The following GRID1 variants were observed in gnomAD, a reference collection of about 807,000 sequenced individuals.
The protein encoded by GRID1 is glutamate receptor ionotropic, delta-1.
In GRID1, 28 loss-of-function variants were observed where a neutral mutation model predicts 98.0. The ratio of observed to expected loss-of-function variants is 0.29; its 90% CI spans 0.21 to 0.39. The LOEUF is 0.39. Ranked by LOEUF, GRID1 falls within the 10% of genes least tolerant of loss-of-function variation. The pLI, the probability that GRID1 is intolerant of heterozygous loss-of-function variation, is 1.00. For synonymous variants in GRID1, 553 were observed against 538.5 expected, an observed-to-expected ratio of 1.03 and a Z score of -0.37; for missense variants, 1,111 against 1,340.5, an observed-to-expected ratio of 0.83 and a Z score of 2.67.
chr10:86,159,446 T>G (rs1248277929), intron 3 of GRID1, among the ~76,000 whole-genome samples: 2 of 152,220 alleles, frequency 1.3e-5, no homozygotes, highest in African/African-American at 2.4e-5. Flanking sequence ...TACAGCTGCC[T>G]ACAGTATTCA....
At chr10:85,867,749 GA>G (rs767499555) in intron 6 of GRID1, among the ~76,000 whole-genome samples, 10 of 152,330 alleles carry the variant, frequency 6.6e-5, no homozygotes, top group Non-Finnish European at 1.2e-4. Flanking sequence ...CACCGCCTTA[GA>G]AAGACCCCAG....
intron 6 of GRID1, among the ~76,000 whole-genome samples, chr10:85,865,942 T>TATACAC (rs1199144734): frequency 2.1e-5 from 2 of 94,878 alleles, no homozygotes; most frequent in East Asian, 3.3e-4. Flanking sequence ...TATATATATA[T>TATACAC]ACACATATAT....
At chr10:86,050,043 C>T (rs1486417485) in intron 4 of GRID1, among the ~76,000 whole-genome samples, 2 of 152,176 alleles carry the variant, frequency 1.3e-5, no homozygotes, top group African/African-American at 4.8e-5. Flanking sequence ...ATGATGGCAT[C>T]CATGCACACA....
intron 5 of GRID1, among the ~76,000 whole-genome samples, chr10:85,895,016 A>AAAAAAAATATATAT (rs766551035): frequency 8.2e-5 from 8 of 97,106 alleles, no homozygotes; most frequent in Non-Finnish European, 1.7e-4. Context: ...AAAAAAAAAA[A>AAAAAAAATATATAT]ATATATATAT....
intron 12 of GRID1, among the ~76,000 whole-genome samples, chr10:85,714,157 G>A (rs1841612227): frequency 1.3e-5 from 2 of 150,440 alleles, no homozygotes; most frequent in Non-Finnish European, 3.0e-5. Context: ...CAGAGGAACA[G>A]AAAACTAAAT....
intron 8 of GRID1, among the ~76,000 whole-genome samples, chr10:85,811,283 A>G (rs1463760853): frequency 1.3e-5 from 2 of 152,214 alleles, no homozygotes; most frequent in Non-Finnish European, 2.9e-5. Flanking sequence ...AGAGGCTACT[A>G]TTCCCTCAGG....
intron 12 of GRID1, among the ~76,000 whole-genome samples, chr10:85,683,970 T>C (rs1841239567): frequency 1.3e-5 from 2 of 152,158 alleles, no homozygotes; most frequent in East Asian, 3.9e-4. Flanking sequence ...TGTGACTAGA[T>C]GCAAATTAAT....
At chr10:86,237,225 T>C (rs965235471) in intron 2 of GRID1, among the ~76,000 whole-genome samples, 3 of 152,172 alleles carry the variant, frequency 2.0e-5, no homozygotes, top group Non-Finnish European at 2.9e-5. Flanking sequence ...TGTGAACTTA[T>C]TTGGATACAG....
At chr10:86,093,431 A>G (rs1844176038) in intron 4 of GRID1, among the ~76,000 whole-genome samples, 1 of 152,108 alleles carries the variant, frequency 6.6e-6, no homozygotes, top group Admixed American at 6.5e-5. Context: ...GGTTCTTTGA[A>G]AAGATAAATA....
At chr10:85,781,902 A>T (rs1842384969) in intron 8 of GRID1, among the ~76,000 whole-genome samples, 1 of 152,052 alleles carries the variant, frequency 6.6e-6, no homozygotes, top group South Asian at 2.1e-4. Context: ...AGAATCCATC[A>T]TCTTAATCAC....
intron 4 of GRID1, among the ~76,000 whole-genome samples, chr10:86,068,117 T>C (rs1843746248): frequency 6.6e-6 from 1 of 152,156 alleles, no homozygotes; most frequent in Non-Finnish European, 1.5e-5. Context: ...TTGTGGAGTA[T>C]GGGAAAACGT....
intron 8 of GRID1, among the ~76,000 whole-genome samples, chr10:85,775,672 AC>A (rs1420278989): frequency 2.0e-5 from 3 of 151,914 alleles, no homozygotes; most frequent in Non-Finnish European, 2.9e-5. Context: ...CTGCACCTAT[AC>A]CCCCCGAATC....
At chr10:86,319,797 G>A (rs1246184591) in intron 2 of GRID1, among the ~76,000 whole-genome samples, 1 of 152,204 alleles carries the variant, frequency 6.6e-6, no homozygotes, top group Non-Finnish European at 1.5e-5. Context: ...TGTCCAGGGT[G>A]CCCAGGGGCT....
At chr10:86,031,250 C>T (rs1053164697) in intron 4 of GRID1, among the ~76,000 whole-genome samples, 6 of 152,122 alleles carry the variant, frequency 3.9e-5, no homozygotes, top group African/African-American at 1.4e-4. Flanking sequence ...AAAATCATAT[C>T]CTTTGCAGCA....
At chr10:85,674,614 G>T (rs183376059) in intron 12 of GRID1, among the ~76,000 whole-genome samples, 125 of 152,236 alleles carry the variant, frequency 8.2e-4, no homozygotes, top group Non-Finnish European at 1.5e-3. Flanking sequence ...GAGGTTAAGG[G>T]TTATTCAAGA....
intron 8 of GRID1, among the ~76,000 whole-genome samples, chr10:85,785,174 G>A (rs1842416915): frequency 1.3e-5 from 2 of 152,208 alleles, no homozygotes; most frequent in South Asian, 4.1e-4. Flanking sequence ...ACACGAATGA[G>A]AAATAAACTG....
rs148961481 is a variant in GRID1, at chr10:85,641,398, T to C, written c.2193+5804A>G. Among the ~76,000 whole-genome samples the C allele has an allele frequency of 7.9e-5, 12 of 152,312 alleles. No homozygotes were observed. In the East Asian group the frequency reaches 1.9e-3, roughly 24 times the overall value. On this transcript the variant is annotated intron_variant, in intron 13 of 15. Transcript: ENST00000327946. ...TTGCTATGACACATGGAAGGAGCAG[T>C]ATGGCTGCTAAACATGGAAGTCAGG... is the stretch of plus-strand genomic sequence containing the variant.
intron 4 of GRID1, among the ~76,000 whole-genome samples, chr10:86,134,213 T>C (rs527657444): frequency 2.0e-5 from 3 of 152,332 alleles, no homozygotes; most frequent in African/African-American, 7.2e-5. Flanking sequence ...TTCCATATCA[T>C]AGCCAGTCTT....
intron 4 of GRID1, among the ~76,000 whole-genome samples, chr10:86,023,614 C>T (rs545593120): frequency 3.9e-5 from 6 of 152,084 alleles, no homozygotes; most frequent in East Asian, 1.9e-4. Context: ...ACACATAAAC[C>T]GCACCAACAC....
Sources: allele counts gnomAD v4.1 joint callset (sites outside exome capture counted in the v4.1 genomes callset), GRCh38; gene constraint gnomAD v4.1.1; transcripts MANE v1.5; gene names NCBI Gene and HGNC (gene_info 2026-07-23, HGNC 2026-07-21).